TBC1D23: variants seen among roughly 807,000 people sequenced by gnomAD.
TBC1D23 encodes HCV non-structural protein 4A-transactivated protein 1.
In TBC1D23, 55 loss-of-function variants were observed where a neutral mutation model predicts 91.4. The observed-to-expected ratio is 0.60, with a 90% CI of 0.48 to 0.75. The LOEUF is 0.75. Ranked by LOEUF, TBC1D23 falls within the 30% of genes least tolerant of loss-of-function variation. TBC1D23 has a pLI of 0.00. For synonymous variants in TBC1D23, 289 were observed against 281.0 expected (o/e 1.03, Z -0.28); for missense variants, 725 against 836.1 (o/e 0.87, Z 1.64).
intron 10 of TBC1D23, among the ~76,000 whole-genome samples, chr3:100,301,132 T>C (rs1341828960): frequency 1.3e-5 from 2 of 152,100 alleles, no homozygotes; most frequent in African/African-American, 4.8e-5. Flanking sequence ...TGATGAGGTG[T>C]GTGGATATAT....
intron 1 of TBC1D23, 29 bp downstream of exon 1, chr3:100,261,100 T>G: frequency 6.2e-7 from 1 of 1,602,662 alleles, no homozygotes; most frequent in Non-Finnish European, 8.5e-7. Flanking sequence ...TAATTTCCAA[T>G]GCCCCTTTAT....
At chr3:100,321,866 G>T (rs1009944081) in intron 18 of TBC1D23, among the ~76,000 whole-genome samples, 3 of 149,318 alleles carry the variant, frequency 2.0e-5, no homozygotes, top group Non-Finnish European at 4.4e-5. Context: ...CTTTATGTAA[G>T]AATAAATATT....
intron 13 of TBC1D23, among the ~76,000 whole-genome samples, chr3:100,306,953 C>T (rs1003534342): frequency 6.6e-6 from 1 of 152,150 alleles, no homozygotes; most frequent in African/African-American, 2.4e-5. Flanking sequence ...AATACTAGGG[C>T]TCATAATCAT....
intron 1 of TBC1D23, among the ~76,000 whole-genome samples, chr3:100,275,177 T>C (rs1576160479): frequency 6.6e-6 from 1 of 152,192 alleles, no homozygotes; most frequent in Non-Finnish European, 1.5e-5. Flanking sequence ...TTTGTCAACC[T>C]ATGTTTTTTG....
At chr3:100,296,576 A>G (rs1169021442) in intron 8 of TBC1D23, among the ~76,000 whole-genome samples, 1 of 151,962 alleles carries the variant, frequency 6.6e-6, no homozygotes, top group Non-Finnish European at 1.5e-5. Context: ...ATTATATTAC[A>G]GGGCCGGGCG....
chr3:100,297,892 TC>T (rs1177624754), intron 8 of TBC1D23, 30 bp from the exon 9 acceptor site: 5 of 1,539,304 alleles, frequency 3.2e-6, no homozygotes, highest in Non-Finnish European at 4.4e-6. Flanking sequence ...ATTTTTTTTT[TC>T]ATAATGTTTA....
intron 1 of TBC1D23, chr3:100,279,444 A>G (rs1283235014): frequency 2.6e-6 from 1 of 379,750 alleles, no homozygotes; most frequent in African/African-American, 2.1e-5. Flanking sequence ...CAACCAAACT[A>G]AGGGTAAAAT....
chr3:100,299,209 C>G (rs765414924), intron 9 of TBC1D23, 30 bp from the exon 10 acceptor site: 3 of 1,472,540 alleles, frequency 2.0e-6, no homozygotes, highest in East Asian at 2.3e-5. Flanking sequence ...ATGGGAAATT[C>G]CTGTATGTCA....
At position 100,284,082 on chromosome 3, in the gene TBC1D23, A is replaced by G. The variant is rs138902352; in HGVS notation, c.476+271A>G. On this transcript the variant is annotated intron_variant, in intron 4 of 18. Coordinates refer to ENST00000394144, the MANE Select transcript of TBC1D23 (RefSeq NM_001199198.3). Reference sequence around the variant, plus strand: ...GATTTAGGTCAAAAGGATACAAAATAGCAAATAGGTGTGATGAACAAGTCG... The same window carrying G: ...GATTTAGGTCAAAAGGATACAAAATGGCAAATAGGTGTGATGAACAAGTCG... The G allele has an allele frequency of 2.2e-3, 788 of 354,008 alleles. 5 individuals carry two copies. Among genetic ancestry groups the G allele is most frequent in the Middle Eastern group, 6.5e-3 (8 of 1,240 alleles). 21.9% of individuals were successfully genotyped at this position (354,008 alleles called of 1,614,324 possible). A position where few individuals can be genotyped will look rare whatever the true frequency, so the allele number is the denominator to read the frequency against.
chr3:100,297,268 A>C (rs1705316609), intron 8 of TBC1D23, among the ~76,000 whole-genome samples: 1 of 152,166 alleles, frequency 6.6e-6, no homozygotes, highest in Non-Finnish European at 1.5e-5. Context: ...TGTTTAGTAT[A>C]CTGTGTTTTA....
intron 1 of TBC1D23, among the ~76,000 whole-genome samples, chr3:100,277,977 G>C (rs1176655427): frequency 6.6e-6 from 1 of 152,176 alleles, no homozygotes; most frequent in Non-Finnish European, 1.5e-5. Flanking sequence ...TGAATTTGTA[G>C]TAGCTTTGTC....
At chr3:100,274,495 T>G (rs2067628576) in intron 1 of TBC1D23, among the ~76,000 whole-genome samples, 2 of 152,090 alleles carry the variant, frequency 1.3e-5, no homozygotes, top group Admixed American at 1.3e-4. Flanking sequence ...ACATTTACAT[T>G]GTTGTGCATA....
At position 100,263,566 on chromosome 3, in the gene TBC1D23, A is replaced by G. The variant is rs1019080796; in HGVS notation, c.53+2495A>G. The stretch of plus-strand genomic sequence containing the variant: ...AAAAATACGTCTTTTTGCTTCTGGT[A>G]TCCTGCAAGAATGGCAAGAGAAAAA... On this transcript the variant is annotated intron_variant, in intron 1 of 18. Coordinates refer to ENST00000394144, the MANE Select transcript of TBC1D23 (RefSeq NM_001199198.3). Among the ~76,000 whole-genome samples the G allele has an allele frequency of 2.6e-5, 4 of 152,372 alleles. No homozygotes were observed. The East Asian group carries it at 5.8e-4, about 22-fold the overall frequency.
At position 100,323,717 on chromosome 3, in the gene TBC1D23, T is replaced by C. The variant is rs949888194; in HGVS notation, c.*49T>C. On this transcript the variant is annotated 3_prime_UTR_variant, in exon 19 of 19. Coordinates refer to ENST00000394144, the MANE Select transcript of TBC1D23 (RefSeq NM_001199198.3). ...GAAATTAAGACAACCAAGAGAAACATGGACATATACCTCCTGACTGAATAC... is the reference window on the plus strand; with the variant it reads ...GAAATTAAGACAACCAAGAGAAACACGGACATATACCTCCTGACTGAATAC... 4.1e-6 allele frequency: 4 copies of C among 977,880 alleles called. No individual in the cohort carries two copies. The African/African-American group carries it at 5.1e-5, about 13-fold the overall frequency. The allele number at this position is 977,880 out of a possible 1,614,324, so 60.6% of individuals were successfully genotyped here.
At chr3:100,263,798 A>C (rs1490974711) in intron 1 of TBC1D23, among the ~76,000 whole-genome samples, 1 of 152,160 alleles carries the variant, frequency 6.6e-6, no homozygotes, top group East Asian at 1.9e-4. Context: ...TTCCACAGTT[A>C]AGGTGCCTCT....
At chr3:100,302,314 G>A (rs938864875) in intron 11 of TBC1D23, 77 bp downstream of exon 11, 1 of 1,233,954 alleles carries the variant, frequency 8.1e-7, no homozygotes, top group Non-Finnish European at 1.1e-6. Flanking sequence ...ATAACTTTTT[G>A]CTTGTCAGAT....
intron 1 of TBC1D23, among the ~76,000 whole-genome samples, chr3:100,268,408 C>G (rs2067574237): frequency 1.3e-5 from 2 of 151,874 alleles, no homozygotes; most frequent in African/African-American, 4.8e-5. Flanking sequence ...TAAAAAAAAA[C>G]CCAATATGTA....
At position 100,267,710 on chromosome 3, in the gene TBC1D23, T is replaced by C. The variant is rs1241725455; in HGVS notation, c.53+6639T>C. ...ATTCCTGTGAGTATCATGTTGGTGC[T>C]CAAGAGTTTCAGATTTTGGAGCATT... On this transcript the variant is annotated intron_variant, in intron 1 of 18. Transcript: ENST00000394144. Among the ~76,000 whole-genome samples the C allele has an allele frequency of 2.0e-5, 3 of 152,212 alleles. No homozygotes were observed. The East Asian group carries it at 5.8e-4, about 29-fold the overall frequency.
At chr3:100,296,672 A>G (rs535719067) in intron 8 of TBC1D23, among the ~76,000 whole-genome samples, 1 of 151,814 alleles carries the variant, frequency 6.6e-6, no homozygotes, top group East Asian at 1.9e-4. Context: ...ATCCTGGCTA[A>G]CACGGTGAAA....
Sources: gnomAD v4.1 joint callset for allele counts (sites outside exome capture counted in the v4.1 genomes callset) on GRCh38, gnomAD v4.1.1 for gene constraint, MANE v1.5 for transcripts, NCBI Gene and HGNC (gene_info 2026-07-23, HGNC 2026-07-21) for gene names.